Variants in ADAM17 observed in about 807,000 individuals in gnomAD.
ADAM17 encodes ADAM metallopeptidase domain 17.
Under a neutral mutation model 96.7 loss-of-function variants are expected in ADAM17, and 39 were observed. That is an observed-to-expected ratio of 0.40 (90% CI 0.31 to 0.53). ADAM17 has a LOEUF of 0.53. ADAM17 is among the 20% of genes least tolerant of loss of function. The pLI, the probability that ADAM17 is intolerant of heterozygous loss-of-function variation, is 0.44. For synonymous variants in ADAM17, 344 were observed against 359.2 expected (o/e 0.96, Z 0.48); for missense variants, 777 against 1,013.2 (o/e 0.77, Z 3.17).
intron 3 of ADAM17, 53 bp downstream of exon 3, chr2:9,536,645 T>G: frequency 6.2e-7 from 1 of 1,601,720 alleles, no homozygotes; most frequent in South Asian, 1.1e-5. Context: ...CAAGTTAGAT[T>G]TGGAGACCTA....
In ADAM17 at chr2:9,555,801, G is replaced by A. The variant is rs946924963; in HGVS notation, c.-196C>T. 1 of 448,546 alleles carries A rather than the reference G, an allele frequency of 2.2e-6. No homozygotes were observed. Among genetic ancestry groups the A allele is most frequent in the Non-Finnish European group, 3.9e-6 (1 of 258,220 alleles). The allele number at this position is 448,546 out of a possible 1,614,324, so 27.8% of individuals were successfully genotyped here. A position where few individuals can be genotyped will look rare whatever the true frequency, so the allele number is the denominator to read the frequency against. ...CAGAAGTGCAGGTGGCGTTACCAAAGGCCGGCTCAGCCAGCTTCCGGCCGC... is the reference window on the plus strand; with the variant it reads ...CAGAAGTGCAGGTGGCGTTACCAAAAGCCGGCTCAGCCAGCTTCCGGCCGC... On this transcript the variant is annotated 5_prime_UTR_variant, in exon 1 of 19. Transcript: ENST00000310823.
chr2:9,508,569 C>G (rs190567835), intron 11 of ADAM17, among the ~76,000 whole-genome samples: 56 of 152,286 alleles, frequency 3.7e-4, no homozygotes, highest in African/African-American at 1.3e-3. Flanking sequence ...TCACTCATGT[C>G]CTTTTACAGT....
rs761476544 is a variant in ADAM17, at chr2:9,536,880, C to T, written c.231-52G>A. 5.7e-6 allele frequency: 9 copies of T among 1,576,338 alleles called. No homozygotes were observed. The African/African-American group carries it at 1.1e-4, about 19-fold the overall frequency. The stretch of plus-strand genomic sequence containing the variant: ...CTCTAAGCACACAAATTTTAAGTCT[C>T]ATTTTCACATAATTAAACTTTCTTA... On this transcript the variant is annotated intron_variant, in intron 2 of 18. Coordinates refer to ENST00000310823, the MANE Select transcript of ADAM17 (RefSeq NM_003183.6).
intron 4 of ADAM17, 21 bp downstream of exon 4, chr2:9,535,813 A>T (rs375720416): frequency 1.6e-5 from 24 of 1,520,194 alleles, no homozygotes; most frequent in Non-Finnish European, 2.2e-5. Flanking sequence ...CTACTGAAAA[A>T]AAATTCACAT....
chr2:9,528,120 A>G (rs2125027696), intron 4 of ADAM17, among the ~76,000 whole-genome samples, 166 bp from the exon 5 acceptor site: 1 of 152,254 alleles, frequency 6.6e-6, no homozygotes, highest in South Asian at 2.1e-4. Context: ...AATCATATGG[A>G]GTTTCTATGC....
chr2:9,493,003 A>G lies in ADAM17; in HGVS notation c.1994-17T>C. 2 of 1,596,684 alleles carry G rather than the reference A, an allele frequency of 1.3e-6. No individual in the cohort carries two copies. The highest frequency in any genetic ancestry group is 2.3e-5 in the East Asian group (1 of 44,208). On this transcript the variant is annotated splice_polypyrimidine_tract_variant and intron_variant, in intron 16 of 18. Coordinates refer to ENST00000310823, the MANE Select transcript of ADAM17 (RefSeq NM_003183.6). ...AAAACTTTCCTGTGAACAATTCCAA[A>G]CAGTTAATGTCTTGACCAAGTACTT... is the stretch of plus-strand genomic sequence containing the variant.
intron 10 of ADAM17, among the ~76,000 whole-genome samples, chr2:9,511,092 C>A (rs1257758875): frequency 6.6e-6 from 1 of 151,902 alleles, no homozygotes. Context: ...CCCCTCGGCC[C>A]AATCACATGT....
intron 2 of ADAM17, among the ~76,000 whole-genome samples, chr2:9,540,987 A>G (rs1432767146): frequency 1.3e-5 from 2 of 152,206 alleles, no homozygotes; most frequent in East Asian, 3.8e-4. Context: ...CAATATCAAT[A>G]AACATAGTAT....
chr2:9,514,253 C>T (rs1663907743), intron 10 of ADAM17, among the ~76,000 whole-genome samples: 1 of 147,938 alleles, frequency 6.8e-6, no homozygotes, highest in African/African-American at 2.5e-5. Flanking sequence ...CAAACTATCG[C>T]AAGGACAAAA....
At chr2:9,513,467 GGGA>G (rs1298312328) in intron 10 of ADAM17, among the ~76,000 whole-genome samples, 2 of 152,160 alleles carry the variant, frequency 1.3e-5, no homozygotes, top group Admixed American at 1.3e-4. Flanking sequence ...GTAACTGGTG[GGGA>G]GGAGGGAACA....
intron 2 of ADAM17, among the ~76,000 whole-genome samples, chr2:9,540,770 T>TA (rs1665175573): frequency 6.6e-6 from 1 of 152,092 alleles, no homozygotes; most frequent in African/African-American, 2.4e-5. Flanking sequence ...TTTACAGAAA[T>TA]ATAAAACAAA....
At chr2:9,529,347 AG>A (rs1299347748) in intron 4 of ADAM17, among the ~76,000 whole-genome samples, 2 of 152,158 alleles carry the variant, frequency 1.3e-5, no homozygotes, top group Non-Finnish European at 2.9e-5. Flanking sequence ...GCTACCTGGG[AG>A]GCTGAGGCAA....
In ADAM17 at chr2:9,498,922, T is replaced by A. The variant is rs138270295; in HGVS notation, c.1649-1674A>T. ...AAATGGTATCATCTATCTAGCATGG[T>A]CCCCAAAGTTTAGCATGCATGGAAA... On this transcript the variant is annotated intron_variant, in intron 13 of 18. Coordinates refer to ENST00000310823, the MANE Select transcript of ADAM17 (RefSeq NM_003183.6). Among the ~76,000 whole-genome samples, 32 of 152,232 alleles carry A rather than the reference T, an allele frequency of 2.1e-4. No homozygotes were observed. The East Asian group carries it at 5.4e-3, about 26-fold the overall frequency.
At chr2:9,549,522 TG>T (rs1169609771) in intron 1 of ADAM17, among the ~76,000 whole-genome samples, 2 of 152,092 alleles carry the variant, frequency 1.3e-5, no homozygotes, top group Non-Finnish European at 2.9e-5. Flanking sequence ...TGGAAACGTG[TG>T]GGTTTTTGTT....
At chr2:9,504,527 G>A (rs1358663171) in intron 12 of ADAM17, among the ~76,000 whole-genome samples, 3 of 152,020 alleles carry the variant, frequency 2.0e-5, no homozygotes, top group Admixed American at 2.0e-4. Context: ...AGCACTTTGG[G>A]AGGCCAAGGT....
At chr2:9,537,504 T>G (rs113303927) in intron 2 of ADAM17, among the ~76,000 whole-genome samples, 2 of 152,166 alleles carry the variant, frequency 1.3e-5, no homozygotes, top group Non-Finnish European at 1.5e-5. Context: ...GAGGTTGAGC[T>G]GGGCGGATCA....
At chr2:9,506,361 T>G (rs989687370) in intron 11 of ADAM17, among the ~76,000 whole-genome samples, 10 of 124,340 alleles carry the variant, frequency 8.0e-5, no homozygotes, top group Admixed American at 4.5e-4. Flanking sequence ...TCAAATCTGT[T>G]TTTTTTTTTT....
intron 2 of ADAM17, among the ~76,000 whole-genome samples, chr2:9,539,110 AT>A (rs748536711): frequency 3.3e-3 from 470 of 144,238 alleles, no homozygotes; most frequent in East Asian, 0.011. Flanking sequence ...TAATTTCTTG[AT>A]TTTTTTTTTT....
intron 17 of ADAM17, 121 bp downstream of exon 17, chr2:9,492,777 C>G: frequency 1.4e-6 from 1 of 722,074 alleles, no homozygotes; most frequent in Non-Finnish European, 2.2e-6. Flanking sequence ...ACAAAAAAAG[C>G]TATTGGAAAT....
Sources: allele counts gnomAD v4.1 joint callset (sites outside exome capture counted in the v4.1 genomes callset), GRCh38; gene constraint gnomAD v4.1.1; transcripts MANE v1.5; gene names NCBI Gene and HGNC (gene_info 2026-07-23, HGNC 2026-07-21).